Variants in KLHL3 observed in about 807,000 individuals in gnomAD.
KLHL3 encodes kelch-like protein 3.
A neutral mutation model predicts 70.5 loss-of-function variants in KLHL3; 19 were observed. That is an observed-to-expected ratio of 0.27 (90% confidence interval 0.19 to 0.40). KLHL3 has a LOEUF of 0.40. Among genes scored for constraint, KLHL3 ranks in the 10% least tolerant of loss-of-function variants. The pLI, the probability that KLHL3 is intolerant of heterozygous loss-of-function variation, is 1.00. For missense variants in KLHL3, 512 were observed against 771.1 expected (o/e 0.66, Z 3.98); for synonymous variants, 258 against 290.3 (o/e 0.89, Z 1.13).
chr5:137,715,559 T>A (rs1752876698), intron 2 of KLHL3, among the ~76,000 whole-genome samples: 2 of 152,306 alleles, frequency 1.3e-5, no homozygotes, highest in South Asian at 4.2e-4. Flanking sequence ...AGCCTTTCAA[T>A]AACATGCGAA....
chr5:137,721,835 A>G (rs1037523414), intron 1 of KLHL3, among the ~76,000 whole-genome samples: 1 of 152,236 alleles, frequency 6.6e-6, no homozygotes, highest in African/African-American at 2.4e-5. Context: ...GTGGGGTGCC[A>G]GCTAGTTACC....
chr5:137,725,503 C>T (rs1753072001), intron 1 of KLHL3, among the ~76,000 whole-genome samples: 1 of 152,224 alleles, frequency 6.6e-6, no homozygotes, highest in Non-Finnish European at 1.5e-5. Context: ...GAACCTTCAT[C>T]TGTATCCCAG....
intron 6 of KLHL3, among the ~76,000 whole-genome samples, chr5:137,667,883 A>C (rs112569376): frequency 0.012 from 1,858 of 152,300 alleles, 38 homozygotes; most frequent in African/African-American, 0.042. Flanking sequence ...AACAACAAGC[A>C]CAGTGCTAGG....
intron 8 of KLHL3, among the ~76,000 whole-genome samples, chr5:137,650,919 A>G (rs1352460795): frequency 6.6e-6 from 1 of 152,132 alleles, no homozygotes; most frequent in Non-Finnish European, 1.5e-5. Context: ...AAAGAAACAA[A>G]GAACCTTACA....
At chr5:137,734,444 C>CA in intron 1 of KLHL3, among the ~76,000 whole-genome samples, 1 of 152,302 alleles carries the variant, frequency 6.6e-6, no homozygotes, top group African/African-American at 2.4e-5. Flanking sequence ...ACACAGTTCC[C>CA]AGGGCCTCTA....
In KLHL3 at chr5:137,698,273, G is replaced by A. The variant is rs1365295177; in HGVS notation, c.363+14C>T. The A allele has an allele frequency of 1.2e-6, 2 of 1,614,108 alleles. No homozygotes were observed. Among genetic ancestry groups the A allele is most frequent in the Non-Finnish European group, 8.5e-7 (1 of 1,179,984 alleles). On this transcript the variant is annotated intron_variant, in intron 4 of 14. Coordinates refer to ENST00000309755, the MANE Select transcript of KLHL3 (RefSeq NM_017415.3). ...GTGTGCAATACACTGAGCTATTAGT[G>A]AGCCTGAGTTTACCTGGACATTCTC...
At chr5:137,712,262 G>A (rs1480540323) in intron 2 of KLHL3, among the ~76,000 whole-genome samples, 3 of 151,444 alleles carry the variant, frequency 2.0e-5, no homozygotes, top group African/African-American at 7.3e-5. Flanking sequence ...CAAATGTTCA[G>A]TGCTAGGAGC....
At chr5:137,625,943 A>G in intron 13 of KLHL3, 47 bp from the exon 14 acceptor site, 2 of 1,612,392 alleles carry the variant, frequency 1.2e-6, no homozygotes, top group Non-Finnish European at 1.7e-6. Flanking sequence ...CAGGTGCACT[A>G]AGAGATCAGA....
intron 14 of KLHL3, 71 bp downstream of exon 14, chr5:137,625,682 G>A (rs1292226099): frequency 5.7e-6 from 9 of 1,572,572 alleles, no homozygotes; most frequent in Non-Finnish European, 7.8e-6. Flanking sequence ...CATCCCACTG[G>A]CCCACCCAAC....
At chr5:137,708,822 A>T (rs1752733355) in intron 3 of KLHL3, among the ~76,000 whole-genome samples, 1 of 152,188 alleles carries the variant, frequency 6.6e-6, no homozygotes, top group African/African-American at 2.4e-5. Flanking sequence ...GATACAGGGC[A>T]TGGGCATTAT....
chr5:137,625,880 A>G lies in KLHL3; in HGVS notation c.1608T>C (p.Asn536=), dbSNP rs1342227085. 1 of 1,614,210 alleles carries G rather than the reference A, an allele frequency of 6.2e-7. No individual in the cohort carries two copies. Among genetic ancestry groups the G allele is most frequent in the East Asian group, 2.2e-5 (1 of 44,884 alleles). Residue 536 remains asparagine, a synonymous_variant, in exon 14 of 15, where the codon AAT becomes AAC. Coordinates refer to ENST00000309755, the MANE Select transcript of KLHL3 (RefSeq NM_017415.3). ...CRRNAGVCAV[N]GLLYVVGGDD... ...CCCCTCCAACCACATACAGGAGCCCATTTACTGCACAGACCCCTGTGAGTC... is the reference window on the plus strand; with the variant it reads ...CCCCTCCAACCACATACAGGAGCCCGTTTACTGCACAGACCCCTGTGAGTC...
chr5:137,723,254 C>G (rs139812184), intron 1 of KLHL3, among the ~76,000 whole-genome samples: 1,834 of 152,236 alleles, frequency 0.012, 38 homozygotes, highest in African/African-American at 0.042. Flanking sequence ...GAAGTGTCTT[C>G]ACTAGCTTGT....
chr5:137,641,641 G>A lies in KLHL3; in HGVS notation c.904-1664C>T, dbSNP rs141465432. ...CTCAAGTGAACACTTCCCACCATAC[G>A]GGAGGCAAAACCAGAGCTCACCACC... is the stretch of plus-strand genomic sequence containing the variant. On this transcript the variant is annotated intron_variant, in intron 8 of 14. Transcript: ENST00000309755. Among the ~76,000 whole-genome samples the A allele has an allele frequency of 1.3e-3, 201 of 152,204 alleles. 5 individuals carry two copies. In the Middle Eastern group the frequency reaches 0.024, roughly 18 times the overall value.
intron 6 of KLHL3, among the ~76,000 whole-genome samples, chr5:137,666,502 C>G (rs1163292232): frequency 1.3e-5 from 2 of 152,230 alleles, no homozygotes; most frequent in Non-Finnish European, 2.9e-5. Flanking sequence ...GAATGAACTA[C>G]AAGTCCTTAA....
chr5:137,692,402 G>A lies in KLHL3; in HGVS notation c.409C>T (p.Gln137Ter). The change falls in exon 5 of 15, where the codon CAG becomes TAG. Residue 137 changes from glutamine to a stop codon, truncating the protein, a stop_gained. Coordinates refer to ENST00000309755, the MANE Select transcript of KLHL3 (RefSeq NM_017415.3). LOFTEE classifies it high-confidence loss of function. ...ASLLQLMDVR[Q>*]NCCDFLQSQL... ...GACTGCAGGAAGTCACAGCAGTTCT[G>A]CCGAACATCCATGAGCTGCAGCAAG... 1 of 1,614,064 alleles carries A rather than the reference G, an allele frequency of 6.2e-7. No homozygotes were observed. Among genetic ancestry groups the A allele is most frequent in the Middle Eastern group, 1.7e-4 (1 of 5,924 alleles).
chr5:137,691,012 G>T (rs1752307812), intron 5 of KLHL3, among the ~76,000 whole-genome samples: 1 of 152,160 alleles, frequency 6.6e-6, no homozygotes, highest in Non-Finnish European at 1.5e-5. Flanking sequence ...TGGCAATGAA[G>T]ATTTCTTTCC....
chr5:137,711,203 G>A (rs1464381400), intron 2 of KLHL3, among the ~76,000 whole-genome samples: 2 of 152,228 alleles, frequency 1.3e-5, no homozygotes, highest in Admixed American at 1.3e-4. Flanking sequence ...CTCTGGTGTA[G>A]CACACTAAGT....
At chr5:137,632,370 C>T (rs189595407) in intron 12 of KLHL3, among the ~76,000 whole-genome samples, 31 of 152,152 alleles carry the variant, frequency 2.0e-4, no homozygotes, top group African/African-American at 6.3e-4. Flanking sequence ...CTATAACAAG[C>T]TGATCTTCAA....
chr5:137,720,453 T>C lies in KLHL3; in HGVS notation c.134+12A>G, dbSNP rs751085782. 6.2e-7 allele frequency: 1 copy of C among 1,614,112 alleles called. No homozygotes were observed. The highest frequency in any genetic ancestry group is 1.3e-5 in the African/African-American group (1 of 75,052). The stretch of plus-strand genomic sequence containing the variant: ...TCCTTCTGCAAGGGCACGGACAAGA[T>C]AGAAAAAGTACCTCCGCAGTTCATT... On this transcript the variant is annotated intron_variant, in intron 2 of 14. Coordinates refer to ENST00000309755, the MANE Select transcript of KLHL3 (RefSeq NM_017415.3).
Sources: allele counts gnomAD v4.1 joint callset (sites outside exome capture counted in the v4.1 genomes callset), GRCh38; gene constraint gnomAD v4.1.1; transcripts MANE v1.5; gene names NCBI Gene and HGNC (gene_info 2026-07-23, HGNC 2026-07-21).